Variants in GULP1 observed in about 807,000 individuals in gnomAD.
GULP1 encodes PTB domain-containing engulfment adapter protein 1.
In GULP1, 19 loss-of-function variants were observed where a neutral mutation model predicts 40.9. That is an observed-to-expected ratio of 0.46 (90% CI 0.32 to 0.68). The LOEUF is 0.68. GULP1 is among the 30% of genes least tolerant of loss of function. The probability of loss-of-function intolerance (pLI) is 0.03; values close to 1 mark genes in which losing one functional copy is unlikely to be tolerated. For synonymous variants in GULP1, 119 were observed against 117.6 expected (o/e 1.01, Z -0.08); for missense variants, 312 against 362.2 (o/e 0.86, Z 1.12).
intron 4 of GULP1, among the ~76,000 whole-genome samples, chr2:188,514,074 T>TGTGTGTGTGTGC (rs2064915690): frequency 1.3e-5 from 2 of 149,010 alleles, no homozygotes; most frequent in South Asian, 4.2e-4. Context: ...TGTGTGTGTG[T>TGTGTGTGTGTGC]GTGTGTGTGC....
Position 188,583,915 on chromosome 2 carries a change from G to A in GULP1, c.610-350G>A, listed in dbSNP as rs183406420. ...CTGAAATCATATTTTTACATGAATA[G>A]TTTCTAATATATCTAATTCTCTGTT... On this transcript the variant is annotated intron_variant, in intron 9 of 11. Transcript: ENST00000409830. 9.5e-3 allele frequency among the ~76,000 whole-genome samples: 1,452 copies of A among 152,208 alleles called. 13 individuals carry two copies. Among genetic ancestry groups the A allele is most frequent in the Non-Finnish European group, 0.013 (866 of 67,994 alleles).
chr2:188,456,830 T>C (rs1227156283), intron 2 of GULP1, among the ~76,000 whole-genome samples: 1 of 152,154 alleles, frequency 6.6e-6, no homozygotes, highest in Admixed American at 6.5e-5. Context: ...GGAGGGAGGC[T>C]GTACCCTGCA....
chr2:188,340,789 C>T (rs1159997908), intron 1 of GULP1, among the ~76,000 whole-genome samples: 4 of 151,926 alleles, frequency 2.6e-5, no homozygotes, highest in Non-Finnish European at 5.9e-5. Context: ...ACTTTATTGC[C>T]CATGGAGGTG....
At chr2:188,527,225 G>C (rs529138215) in intron 5 of GULP1, among the ~76,000 whole-genome samples, 1 of 152,180 alleles carries the variant, frequency 6.6e-6, no homozygotes, top group South Asian at 2.1e-4. Context: ...AAATTTAAAA[G>C]GTTGCACAGT....
chr2:188,387,067 C>T (rs1257055875), intron 2 of GULP1, among the ~76,000 whole-genome samples: 1 of 151,958 alleles, frequency 6.6e-6, no homozygotes, highest in African/African-American at 2.4e-5. Context: ...GAAACCCCGT[C>T]TCTACTAAAA....
chr2:188,482,500 T>G (rs1375431842), intron 3 of GULP1, among the ~76,000 whole-genome samples: 1 of 151,822 alleles, frequency 6.6e-6, no homozygotes, highest in Non-Finnish European at 1.5e-5. Context: ...CGTACAAAAC[T>G]ACACTAATGG....
rs769511591 is a variant in GULP1, at chr2:188,483,474, C to T, written c.72C>T (p.Phe24=). ...CACCTGAAGCTTTATCAAAACATTT[C>T]ATTCCCTATAATGCAAAGGTAAAAA... ...MHTPEALSKH[F]IPYNAKFLGS... Residue 24 remains phenylalanine, a synonymous_variant, in exon 4 of 12, where the codon TTC becomes TTT. Coordinates refer to ENST00000409830, the MANE Select transcript of GULP1 (RefSeq NM_016315.4). The T allele has an allele frequency of 2.7e-6, 4 of 1,485,358 alleles. No homozygotes were observed. Among genetic ancestry groups the T allele is most frequent in the Non-Finnish European group, 3.7e-6 (4 of 1,071,482 alleles). 92.0% of individuals were successfully genotyped at this position (1,485,358 alleles called of 1,614,324 possible). A position where few individuals can be genotyped will look rare whatever the true frequency, so the allele number is the denominator to read the frequency against.
intron 6 of GULP1, among the ~76,000 whole-genome samples, chr2:188,538,732 G>C (rs1186251754): frequency 6.6e-6 from 1 of 150,578 alleles, no homozygotes; most frequent in Admixed American, 6.6e-5. Flanking sequence ...GTGAGAGAGA[G>C]AGACAGTTCT....
intron 1 of GULP1, among the ~76,000 whole-genome samples, chr2:188,313,072 C>G (rs1039773399): frequency 1.3e-5 from 2 of 152,128 alleles, no homozygotes; most frequent in African/African-American, 4.8e-5. Flanking sequence ...TGTAGGTTGC[C>G]TGTTCACGCT....
chr2:188,305,146 C>T (rs1202145757), intron 1 of GULP1, among the ~76,000 whole-genome samples: 2 of 152,096 alleles, frequency 1.3e-5, no homozygotes, highest in Non-Finnish European at 2.9e-5. Context: ...AAGCAGCTTA[C>T]AGAACTCAAG....
chr2:188,449,304 G>A (rs775595764), intron 2 of GULP1, among the ~76,000 whole-genome samples: 3 of 152,100 alleles, frequency 2.0e-5, no homozygotes, highest in South Asian at 2.1e-4. Context: ...AACCTCAGGC[G>A]TAGGTAATGT....
intron 1 of GULP1, among the ~76,000 whole-genome samples, chr2:188,306,996 A>T (rs1317515917): frequency 6.6e-6 from 1 of 152,190 alleles, no homozygotes; most frequent in South Asian, 2.1e-4. Flanking sequence ...GAATGGCGTA[A>T]ATCTGGATTC....
At chr2:188,537,008 C>G (rs777402441) in intron 6 of GULP1, among the ~76,000 whole-genome samples, 17 of 151,928 alleles carry the variant, frequency 1.1e-4, no homozygotes, top group Middle Eastern at 3.4e-3. Context: ...TACAGAAATG[C>G]TACTGATTTC....
At chr2:188,294,874 TG>T (rs1478785407) in intron 1 of GULP1, among the ~76,000 whole-genome samples, 2 of 152,230 alleles carry the variant, frequency 1.3e-5, no homozygotes, top group Non-Finnish European at 2.9e-5. Flanking sequence ...GTTGAGTTTA[TG>T]GGGATAAAAT....
intron 4 of GULP1, among the ~76,000 whole-genome samples, chr2:188,521,395 C>G (rs2065763124): frequency 6.6e-6 from 1 of 152,012 alleles, no homozygotes; most frequent in Admixed American, 6.6e-5. Flanking sequence ...CTGTATTAGT[C>G]TGTTCTCATA....
intron 2 of GULP1, among the ~76,000 whole-genome samples, chr2:188,403,612 C>T (rs1481907000): frequency 6.6e-6 from 1 of 152,028 alleles, no homozygotes; most frequent in Non-Finnish European, 1.5e-5. Context: ...TCTCAGTAGA[C>T]CAAAAAGTAT....
At chr2:188,298,825 G>T (rs2035547314) in intron 1 of GULP1, among the ~76,000 whole-genome samples, 1 of 152,150 alleles carries the variant, frequency 6.6e-6, no homozygotes, top group Non-Finnish European at 1.5e-5. Context: ...TTTTAGACTT[G>T]ATGTTGTTGG....
intron 7 of GULP1, among the ~76,000 whole-genome samples, chr2:188,550,540 AT>A (rs1559369223): frequency 2.0e-5 from 3 of 151,646 alleles, no homozygotes; most frequent in African/African-American, 7.2e-5. Flanking sequence ...TCACACACAC[AT>A]TTTTTAATGA....
intron 1 of GULP1, among the ~76,000 whole-genome samples, chr2:188,337,436 G>T (rs923514649): frequency 6.7e-6 from 1 of 149,336 alleles, no homozygotes; most frequent in Admixed American, 6.8e-5. Context: ...CACCGCGCCC[G>T]GCCCTCCAAC....
Sources: allele counts gnomAD v4.1 joint callset (sites outside exome capture counted in the v4.1 genomes callset), GRCh38; gene constraint gnomAD v4.1.1; transcripts MANE v1.5; gene names NCBI Gene and HGNC (gene_info 2026-07-23, HGNC 2026-07-21).